Variants in MAN2B2 observed in about 807,000 individuals in gnomAD.
The protein encoded by MAN2B2 is epididymis-specific alpha-mannosidase.
MAN2B2 carries 106 observed loss-of-function variants against 117.1 expected under a neutral mutation model. The observed-to-expected ratio is 0.90, with a 90% CI of 0.77 to 1.06. The LOEUF is 1.06. Ranked by LOEUF, MAN2B2 falls within the 50% of genes least tolerant of loss-of-function variation. The pLI is 0.00. For synonymous variants in MAN2B2, 544 were observed against 595.1 expected (o/e 0.91, Z 1.25); for missense variants, 1,326 against 1,381.4 (o/e 0.96, Z 0.64).
intron 3 of MAN2B2, among the ~76,000 whole-genome samples, chr4:6,580,353 T>C (rs377247056): frequency 6.6e-6 from 1 of 152,164 alleles, no homozygotes; most frequent in East Asian, 1.9e-4. Flanking sequence ...AGCCGCCTGC[T>C]GTGGCTCCCT....
intron 12 of MAN2B2, 75 bp downstream of exon 12, chr4:6,609,373 G>A: frequency 1.4e-6 from 2 of 1,450,898 alleles, no homozygotes; most frequent in Non-Finnish European, 1.9e-6. Context: ...GTGAATGAGG[G>A]TCTGTCTTTG....
At chr4:6,593,032 C>T (rs980279395) in intron 5 of MAN2B2, 141 bp from the exon 6 acceptor site, 4 of 744,476 alleles carry the variant, frequency 5.4e-6, no homozygotes, top group African/African-American at 1.8e-5. Context: ...GACCCACCGT[C>T]GGTCATGGAG....
chr4:6,619,318 G>A (rs1712047090), intron 17 of MAN2B2: 1 of 152,256 alleles, frequency 6.6e-6, no homozygotes, highest in Non-Finnish European at 1.5e-5. Flanking sequence ...CTGCTTGTTT[G>A]CGGTCACAAG....
intron 2 of MAN2B2, among the ~76,000 whole-genome samples, chr4:6,577,849 T>C (rs997030848): frequency 5.3e-5 from 8 of 152,244 alleles, no homozygotes; most frequent in African/African-American, 4.8e-5. Context: ...CATTCACTGC[T>C]GAACCCCCAG....
chr4:6,582,687 AT>A (rs896117869), intron 3 of MAN2B2, among the ~76,000 whole-genome samples: 2 of 151,592 alleles, frequency 1.3e-5, no homozygotes, highest in African/African-American at 4.8e-5. Context: ...TCAAAAAAAA[AT>A]TTTTTTTAAC....
At chr4:6,594,154 T>G (rs1254577442) in intron 6 of MAN2B2, among the ~76,000 whole-genome samples, 2 of 152,170 alleles carry the variant, frequency 1.3e-5, no homozygotes, top group Non-Finnish European at 2.9e-5. Context: ...CCTTAAGAGA[T>G]GCCCAGGGCC....
At chr4:6,579,048 C>T (rs1436979688) in intron 3 of MAN2B2, among the ~76,000 whole-genome samples, 4 of 90,842 alleles carry the variant, frequency 4.4e-5, no homozygotes, top group African/African-American at 1.2e-4. Flanking sequence ...ACCATCACCA[C>T]CATCACCACC....
chr4:6,611,371 C>G (rs533552729), intron 15 of MAN2B2, 93 bp downstream of exon 15: 44 of 1,348,918 alleles, frequency 3.3e-5, no homozygotes, highest in Non-Finnish European at 4.0e-5. Flanking sequence ...CCTCATGACT[C>G]TGGGCAGCTT....
intron 7 of MAN2B2, among the ~76,000 whole-genome samples, chr4:6,595,791 C>G (rs555556179): frequency 1.3e-5 from 2 of 152,348 alleles, no homozygotes; most frequent in South Asian, 4.1e-4. Flanking sequence ...AGCTGCAGGG[C>G]TCATTCTGGC....
intron 17 of MAN2B2, chr4:6,619,218 T>C (rs993104654): frequency 6.6e-6 from 1 of 152,378 alleles, no homozygotes; most frequent in Non-Finnish European, 1.5e-5. Context: ...CGAACAGGCA[T>C]GTCCGATGGA....
At chr4:6,612,750 T>C (rs1376854082) in intron 15 of MAN2B2, among the ~76,000 whole-genome samples, 2 of 152,356 alleles carry the variant, frequency 1.3e-5, no homozygotes, top group East Asian at 3.9e-4. Context: ...GAAAGCCCCA[T>C]GGCTGTTGTC....
chr4:6,578,774 C>A (rs1020709110), intron 3 of MAN2B2, among the ~76,000 whole-genome samples: 14 of 152,084 alleles, frequency 9.2e-5, no homozygotes, highest in Non-Finnish European at 1.6e-4. Context: ...AATGTAACTT[C>A]AGTTTCCTCA....
chr4:6,610,357 A>G (rs1366882149), intron 13 of MAN2B2, among the ~76,000 whole-genome samples: 1 of 152,082 alleles, frequency 6.6e-6, no homozygotes, highest in African/African-American at 2.4e-5. Flanking sequence ...GGGTTTCACA[A>G]TGATGGCCAG....
At chr4:6,604,870 G>A (rs1369683442) in intron 10 of MAN2B2, among the ~76,000 whole-genome samples, 185 bp from the exon 11 acceptor site, 1 of 152,072 alleles carries the variant, frequency 6.6e-6, no homozygotes, top group African/African-American at 2.4e-5. Flanking sequence ...TCGCTGAAGG[G>A]TTCTCCCAGG....
intron 7 of MAN2B2, 137 bp downstream of exon 7, chr4:6,594,869 G>A (rs541321999): frequency 1.6e-5 from 14 of 883,056 alleles, no homozygotes; most frequent in African/African-American, 8.3e-5. Context: ...TGTGTGGGGC[G>A]CAGGGGCAGA....
intron 8 of MAN2B2, among the ~76,000 whole-genome samples, chr4:6,597,976 A>C (rs537578889): frequency 6.6e-6 from 1 of 152,332 alleles, no homozygotes; most frequent in Admixed American, 6.5e-5. Flanking sequence ...GGGGGTCCAG[A>C]GATGGGGGAC....
At position 6,591,544 on chromosome 4, in the gene MAN2B2, G is replaced by A. The variant is rs1419364757; in HGVS notation, c.681-1629G>A. 2.0e-5 allele frequency among the ~76,000 whole-genome samples: 3 copies of A among 152,218 alleles called. No homozygotes were observed. In the South Asian group the frequency reaches 6.2e-4, roughly 31 times the overall value. ...ACCAGCTGGCAGGGAGGTGGAAACT[G>A]TTGGGTGGAGGACCAGGTGGGGTGC... On this transcript the variant is annotated intron_variant, in intron 5 of 18. Transcript: ENST00000285599.
At chr4:6,609,772 C>A in intron 12 of MAN2B2, 26 bp from the exon 13 acceptor site, 1 of 1,577,696 alleles carries the variant, frequency 6.3e-7, no homozygotes, top group Non-Finnish European at 8.6e-7. Flanking sequence ...TGGAGCTTCA[C>A]TTACTGATGC....
chr4:6,596,217 C>G (rs1263112158), intron 7 of MAN2B2, among the ~76,000 whole-genome samples: 1 of 150,398 alleles, frequency 6.6e-6, no homozygotes, highest in Admixed American at 6.6e-5. Context: ...TCCAGGCGGG[C>G]ATGGTATCGT....
Sources: allele counts gnomAD v4.1 joint callset (sites outside exome capture counted in the v4.1 genomes callset), GRCh38; gene constraint gnomAD v4.1.1; transcripts MANE v1.5; gene names NCBI Gene and HGNC (gene_info 2026-07-23, HGNC 2026-07-21).